Variants in CPEB1 observed in about 807,000 individuals in gnomAD.
CPEB1 encodes cytoplasmic polyadenylation element binding protein 1.
A neutral mutation model predicts 65.8 loss-of-function variants in CPEB1; 7 were observed. The observed-to-expected ratio is 0.11, with a 90% CI of 0.06 to 0.20. The LOEUF (loss-of-function observed/expected upper bound fraction) is 0.20. Among genes scored for constraint, CPEB1 ranks in the 10% least tolerant of loss-of-function variants. The probability of loss-of-function intolerance (pLI) is 1.00; values close to 1 mark genes in which losing one functional copy is unlikely to be tolerated. For synonymous variants in CPEB1, 262 were observed against 260.0 expected (o/e 1.01, Z -0.08); for missense variants, 551 against 712.2 (o/e 0.77, Z 2.58).
chr15:82,552,750 A>C, intron 8 of CPEB1, 134 bp from the exon 9 acceptor site: 1 of 993,824 alleles, frequency 1.0e-6, no homozygotes, highest in Non-Finnish European at 1.5e-6. Flanking sequence ...TACTCCTGAA[A>C]AGTCGTGTTG....
chr15:82,568,889 C>T (rs547991683), intron 4 of CPEB1, among the ~76,000 whole-genome samples: 62 of 152,298 alleles, frequency 4.1e-4, no homozygotes, highest in African/African-American at 1.4e-3. Flanking sequence ...CCTACTATCT[C>T]CAACCTTGCT....
intron 3 of CPEB1, among the ~76,000 whole-genome samples, chr15:82,626,137 A>G (rs767602345): frequency 2.7e-5 from 4 of 150,670 alleles, no homozygotes; most frequent in South Asian, 4.2e-4. Context: ...AGAAAGAAAA[A>G]CAAAATATAA....
chr15:82,591,094 T>A (rs1347504325), intron 3 of CPEB1, among the ~76,000 whole-genome samples: 1 of 152,214 alleles, frequency 6.6e-6, no homozygotes, highest in East Asian at 1.9e-4. Context: ...ATCACTACAC[T>A]ATTTTCCACA....
chr15:82,632,752 T>A (rs2046369130), intron 1 of CPEB1, among the ~76,000 whole-genome samples: 1 of 151,748 alleles, frequency 6.6e-6, no homozygotes, highest in African/African-American at 2.4e-5. Context: ...TGGTCTTGAA[T>A]TCCCGGGCTC....
At chr15:82,559,284 C>T (rs2037785186) in intron 4 of CPEB1, among the ~76,000 whole-genome samples, 1 of 152,152 alleles carries the variant, frequency 6.6e-6, no homozygotes, top group Admixed American at 6.5e-5. Context: ...TAATATGGGA[C>T]CAGACCAGCC....
At chr15:82,648,177 G>GC, upstream of CPEB1, 1 of 323,824 alleles carries the variant, frequency 3.1e-6, no homozygotes, top group Non-Finnish European at 5.6e-6. Flanking sequence ...AGCCACAGCT[G>GC]CCCCCTGGGG....
At chr15:82,561,168 G>A (rs2038125670) in intron 4 of CPEB1, among the ~76,000 whole-genome samples, 1 of 152,222 alleles carries the variant, frequency 6.6e-6, no homozygotes, top group African/African-American at 2.4e-5. Flanking sequence ...GTATGGTAGA[G>A]GTGGCTGACT....
intron 3 of CPEB1, among the ~76,000 whole-genome samples, chr15:82,599,818 C>A (rs1186177000): frequency 1.3e-5 from 2 of 152,064 alleles, no homozygotes; most frequent in East Asian, 3.9e-4. Flanking sequence ...AAATTTAAAA[C>A]CTCAAAGATG....
chr15:82,544,601 A>G lies in CPEB1; in HGVS notation c.1758T>C (p.Asp586=). The change falls in exon 13 of 13, where the codon GAT becomes GAC. Residue 586 remains aspartate, a synonymous_variant. Coordinates refer to ENST00000684509, the MANE Select transcript of CPEB1 (RefSeq NM_001365242.1). ...GGCAAGGCCAGCTCCTCTAGCTGGA[A>G]TCTCGGTTCTTCTGGTTCCGCATCA... is the stretch of plus-strand genomic sequence containing the variant. ...SPLMRNQKNR[D]SS is the part of the protein sequence containing the mutation. 6.2e-7 allele frequency: 1 copy of G among 1,612,616 alleles called. No homozygotes were observed. The highest frequency in any genetic ancestry group is 8.5e-7 in the Non-Finnish European group (1 of 1,179,710).
intron 3 of CPEB1, among the ~76,000 whole-genome samples, chr15:82,597,693 C>G (rs2042769985): frequency 6.6e-6 from 1 of 152,164 alleles, no homozygotes; most frequent in African/African-American, 2.4e-5. Flanking sequence ...AGCTCTTTCT[C>G]TTTTTCAGGG....
At chr15:82,597,563 T>C (rs2042761415) in intron 3 of CPEB1, among the ~76,000 whole-genome samples, 1 of 152,240 alleles carries the variant, frequency 6.6e-6, no homozygotes, top group Non-Finnish European at 1.5e-5. Flanking sequence ...TGAGTTTATC[T>C]GTCTAGTGAA....
chr15:82,564,186 A>T (rs1160953748), intron 4 of CPEB1, among the ~76,000 whole-genome samples: 1 of 152,222 alleles, frequency 6.6e-6, no homozygotes, highest in Non-Finnish European at 1.5e-5. Flanking sequence ...AATTCTACTG[A>T]AAGACAGAGA....
At chr15:82,586,402 T>C (rs997498227) in intron 3 of CPEB1, among the ~76,000 whole-genome samples, 2 of 152,212 alleles carry the variant, frequency 1.3e-5, no homozygotes, top group African/African-American at 4.8e-5. Context: ...ACTCTAAAAA[T>C]AATTTTGTTA....
At chr15:82,630,111 T>C in intron 1 of CPEB1, 1 of 985,452 alleles carries the variant, frequency 1.0e-6, no homozygotes, top group Non-Finnish European at 1.2e-6. Context: ...CAAAGATTTA[T>C]AACCTGCAGA....
At chr15:82,637,914 A>G in intron 1 of CPEB1, 1 of 428,722 alleles carries the variant, frequency 2.3e-6, no homozygotes, top group Non-Finnish European at 4.7e-6. Flanking sequence ...AAAGGGGTAG[A>G]TTTATTAACC....
At chr15:82,617,177 G>A (rs534913206) in intron 3 of CPEB1, among the ~76,000 whole-genome samples, 30 of 152,268 alleles carry the variant, frequency 2.0e-4, no homozygotes, top group African/African-American at 6.0e-4. Context: ...ATACTCTTTT[G>A]TCTGGCTTCT....
At chr15:82,615,534 G>A (rs977305284) in intron 3 of CPEB1, among the ~76,000 whole-genome samples, 7 of 152,166 alleles carry the variant, frequency 4.6e-5, no homozygotes, top group African/African-American at 1.7e-4. Context: ...ATGGCATAAA[G>A]GGAAAGAACC....
intron 4 of CPEB1, among the ~76,000 whole-genome samples, 191 bp downstream of exon 4, chr15:82,571,153 C>T (rs1380301321): frequency 6.6e-6 from 1 of 152,184 alleles, no homozygotes; most frequent in East Asian, 1.9e-4. Context: ...CCATGCCTGC[C>T]TTTACGTGGA....
rs1170042839 is a variant in CPEB1 at position 82,631,644 on chromosome 15, T to C, written c.-97-3088A>G. Among the ~76,000 whole-genome samples, 3 of 152,320 alleles carry C rather than the reference T, an allele frequency of 2.0e-5. 1 individual carries two copies. Among genetic ancestry groups the C allele is most frequent in the South Asian group, 2.1e-4 (1 of 4,820 alleles). On this transcript the variant is annotated intron_variant, in intron 1 of 12. Coordinates refer to ENST00000684509, the MANE Select transcript of CPEB1 (RefSeq NM_001365242.1). ...TATTCAGAGGCCACCACAGGGATCCTTGAGGAAGGATCTATTGGCTCATTA... is the reference window on the plus strand; with the variant it reads ...TATTCAGAGGCCACCACAGGGATCCCTGAGGAAGGATCTATTGGCTCATTA...
Sources: gnomAD v4.1 joint callset for allele counts (sites outside exome capture counted in the v4.1 genomes callset) on GRCh38, gnomAD v4.1.1 for gene constraint, MANE v1.5 for transcripts, NCBI Gene and HGNC (gene_info 2026-07-23, HGNC 2026-07-21) for gene names.